NGLY1: variants seen among roughly 807,000 people sequenced by gnomAD.
NGLY1 encodes peptide-N(4)-(N-acetyl-beta-glucosaminyl)asparagine amidase.
A neutral mutation model predicts 84.6 loss-of-function variants in NGLY1; 68 were observed. The observed-to-expected ratio is 0.80, with a 90% CI of 0.66 to 0.98. The LOEUF (loss-of-function observed/expected upper bound fraction) is 0.98. Ranked by LOEUF, NGLY1 falls within the 50% of genes least tolerant of loss-of-function variation. The pLI is 0.00. For synonymous variants in NGLY1, 280 were observed against 275.2 expected (o/e 1.02, Z -0.17); for missense variants, 779 against 770.2 (o/e 1.01, Z -0.14).
intron 3 of NGLY1, among the ~76,000 whole-genome samples, chr3:25,753,135 T>C (rs762624641): frequency 6.6e-6 from 1 of 152,048 alleles, no homozygotes; most frequent in African/African-American, 2.4e-5. Flanking sequence ...AATGATGACA[T>C]TTTACAATAG....
chr3:25,760,777 T>A (rs1707277114), intron 3 of NGLY1, among the ~76,000 whole-genome samples: 1 of 150,176 alleles, frequency 6.7e-6, no homozygotes, highest in South Asian at 2.1e-4. Context: ...GGAGAATCAC[T>A]TGAACCCAGG....
chr3:25,749,007 C>T (rs1391410272), intron 4 of NGLY1, among the ~76,000 whole-genome samples: 1 of 152,108 alleles, frequency 6.6e-6, no homozygotes, highest in East Asian at 1.9e-4. Context: ...TGCTCAATAT[C>T]ATGAATTAGG....
At position 25,755,265 on chromosome 3, in the gene NGLY1, T is replaced by C. The variant is rs1009259736; in HGVS notation, c.493-4002A>G. On this transcript the variant is annotated intron_variant, in intron 3 of 11. Coordinates refer to ENST00000280700, the MANE Select transcript of NGLY1 (RefSeq NM_018297.4). ...ATTAAGCCATATGCAGGACCTAGACTCCCACCTGATAGATACTGCTTAACA... is the reference window on the plus strand; with the variant it reads ...ATTAAGCCATATGCAGGACCTAGACCCCCACCTGATAGATACTGCTTAACA... The C allele has an allele frequency of 3.6e-6, 5 of 1,376,482 alleles. No individual in the cohort carries two copies. In the African/African-American group the frequency reaches 5.7e-5, roughly 16 times the overall value. 85.3% of individuals were successfully genotyped at this position (1,376,482 alleles called of 1,614,324 possible).
intron 4 of NGLY1, among the ~76,000 whole-genome samples, chr3:25,750,474 C>T (rs184965819): frequency 6.6e-6 from 1 of 152,084 alleles, no homozygotes; most frequent in East Asian, 1.9e-4. Context: ...GTAGAATAGT[C>T]GTTGCTGGAA....
chr3:25,782,297 A>G (rs904706034), intron 1 of NGLY1, among the ~76,000 whole-genome samples: 1 of 152,204 alleles, frequency 6.6e-6, no homozygotes, highest in Admixed American at 6.5e-5. Flanking sequence ...CTTCATGACA[A>G]TATACCAAAC....
At chr3:25,767,158 G>C (rs1030576583) in intron 2 of NGLY1, among the ~76,000 whole-genome samples, 1 of 151,960 alleles carries the variant, frequency 6.6e-6, no homozygotes, top group African/African-American at 2.4e-5. Context: ...TGGGCGCAGT[G>C]GCAGGCAACT....
At chr3:25,749,746 A>C in intron 4 of NGLY1, 1 of 1,548,864 alleles carries the variant, frequency 6.5e-7, no homozygotes, top group Non-Finnish European at 8.8e-7. Context: ...AGGAGCTTGA[A>C]GTGCTGCTGA....
chr3:25,750,661 T>C (rs1242870183), intron 4 of NGLY1, among the ~76,000 whole-genome samples: 1 of 151,746 alleles, frequency 6.6e-6, no homozygotes, highest in Non-Finnish European at 1.5e-5. Context: ...AATTAAAAAA[T>C]TGAAAAAAAA....
chr3:25,768,157 T>C (rs1449224134), intron 2 of NGLY1, among the ~76,000 whole-genome samples: 1 of 145,320 alleles, frequency 6.9e-6, no homozygotes, highest in African/African-American at 2.5e-5. Context: ...GTGTGGTGGC[T>C]CACGCCTGTA....
intron 7 of NGLY1, chr3:25,734,208 G>C (rs1352296636): frequency 2.4e-6 from 1 of 408,560 alleles, no homozygotes; most frequent in Non-Finnish European, 4.3e-6. Flanking sequence ...TGGGACTATA[G>C]GCATGCACCA....
At chr3:25,724,653 C>T (rs1390410224) in intron 10 of NGLY1, among the ~76,000 whole-genome samples, 1 of 152,050 alleles carries the variant, frequency 6.6e-6, no homozygotes, top group Non-Finnish European at 1.5e-5. Flanking sequence ...TCTCACTATT[C>T]TCCTCCATAT....
At chr3:25,755,535 C>G in intron 3 of NGLY1, 1 of 1,422,148 alleles carries the variant, frequency 7.0e-7, no homozygotes, top group Non-Finnish European at 9.9e-7. Context: ...AACTGCAGTT[C>G]AAAATGTTCC....
In NGLY1 at chr3:25,783,286, C is replaced by G; in HGVS notation, c.105G>C (p.Leu35=). The change falls in exon 1 of 12, where the codon CTG becomes CTC. Residue 35 remains leucine, a synonymous_variant. Transcript: ENST00000280700. The surrounding 1 kb of genome is among the most constrained non-coding windows in gnomAD (Gnocchi z 4.5). ...PETFLEASKL[L]LTYADNILRN... ...TGAGGATGTTGTCAGCATAGGTGAG[C>G]AGCAGCTTGGAGGCCTCCAAAAAGG... 1 of 1,609,258 alleles carries G rather than the reference C, an allele frequency of 6.2e-7. No homozygotes were observed. Among genetic ancestry groups the G allele is most frequent in the African/African-American group, 1.3e-5 (1 of 74,310 alleles).
intron 10 of NGLY1, among the ~76,000 whole-genome samples, chr3:25,728,484 A>G (rs1215350371): frequency 6.6e-6 from 1 of 152,118 alleles, no homozygotes; most frequent in Non-Finnish European, 1.5e-5. Flanking sequence ...CTTTAAGTTT[A>G]TTTTGGTGTG....
chr3:25,732,534 G>A (rs777326126), intron 8 of NGLY1, 51 bp from the exon 9 acceptor site: 25 of 1,410,252 alleles, frequency 1.8e-5, no homozygotes, highest in Non-Finnish European at 2.4e-5. Context: ...GAATGTATAG[G>A]TCCATCTCTA....
At chr3:25,775,025 G>C (rs1242032376) in intron 2 of NGLY1, among the ~76,000 whole-genome samples, 1 of 152,146 alleles carries the variant, frequency 6.6e-6, no homozygotes, top group Non-Finnish European at 1.5e-5. Context: ...ATTAATTTCA[G>C]CTCTAGGTAA....
At chr3:25,789,819 A>G (rs1708683314) in intron 1 of NGLY1, 1 of 1,549,744 alleles carries the variant, frequency 6.5e-7, no homozygotes, top group South Asian at 1.2e-5. Flanking sequence ...GGGCATTATC[A>G]CTGCCAAAGA....
At chr3:25,755,644 A>G in intron 3 of NGLY1, 1 of 1,480,210 alleles carries the variant, frequency 6.8e-7, no homozygotes, top group Non-Finnish European at 9.4e-7. Context: ...CTGAAGAGAA[A>G]AACATGAAGA....
chr3:25,771,127 G>A (rs372496200), intron 2 of NGLY1, among the ~76,000 whole-genome samples: 3 of 152,258 alleles, frequency 2.0e-5, no homozygotes, highest in African/African-American at 7.2e-5. Context: ...CTAAGCCAAT[G>A]TCTAGACTAG....
Sources: allele counts gnomAD v4.1 joint callset (sites outside exome capture counted in the v4.1 genomes callset), GRCh38; gene constraint gnomAD v4.1.1; non-coding constraint Gnocchi (gnomAD v3.1); transcripts MANE v1.5; gene names NCBI Gene and HGNC (gene_info 2026-07-23, HGNC 2026-07-21).